Variants in ADAMTS12 observed in about 807,000 individuals in gnomAD.
The protein encoded by ADAMTS12 is ADAM metallopeptidase with thrombospondin type 1 motif 12.
A neutral mutation model predicts 167.8 loss-of-function variants in ADAMTS12; 118 were observed. The observed-to-expected ratio is 0.70, with a 90% CI of 0.61 to 0.82. ADAMTS12 has a LOEUF of 0.82. Ranked by LOEUF, ADAMTS12 falls within the 40% of genes least tolerant of loss-of-function variation. The probability of loss-of-function intolerance (pLI) is 0.00; values close to 1 mark genes in which losing one functional copy is unlikely to be tolerated. For missense variants in ADAMTS12, 1,916 were observed against 1,998.8 expected (o/e 0.96, Z 0.79); for synonymous variants, 704 against 716.9 (o/e 0.98, Z 0.29).
chr5:33,579,473 T>C (rs1746942044), intron 18 of ADAMTS12, among the ~76,000 whole-genome samples: 1 of 152,230 alleles, frequency 6.6e-6, no homozygotes, highest in South Asian at 2.1e-4. Flanking sequence ...CTTTCTCTTT[T>C]TCTTTTTGGT....
chr5:33,610,647 T>A (rs1738685268), intron 16 of ADAMTS12, among the ~76,000 whole-genome samples: 1 of 152,186 alleles, frequency 6.6e-6, no homozygotes, highest in Admixed American at 6.5e-5. Context: ...AATACGGAGG[T>A]AATGAGGGAA....
intron 5 of ADAMTS12, among the ~76,000 whole-genome samples, chr5:33,665,185 C>G (rs6861490): frequency 0.55 from 83,108 of 151,902 alleles, 24,453 homozygotes; most frequent in Admixed American, 0.68. Context: ...CATGATCTCA[C>G]TTATGTGGAA....
intron 2 of ADAMTS12, among the ~76,000 whole-genome samples, chr5:33,776,886 T>TA (rs1745933156): frequency 6.6e-6 from 1 of 152,100 alleles, no homozygotes; most frequent in South Asian, 2.1e-4. Context: ...CATAACAGAC[T>TA]ACTATAAACA....
In ADAMTS12 at chr5:33,793,026, G is replaced by T. The variant is rs145292267; in HGVS notation, c.490-41478C>A. Among the ~76,000 whole-genome samples the T allele has an allele frequency of 7.2e-5, 11 of 152,366 alleles. No homozygotes were observed. In the East Asian group the frequency reaches 2.1e-3, roughly 29 times the overall value. Reference sequence around the variant, plus strand: ...CACTGAGTTCTGGGAACCAGGCTTAGTGTCCATGAATTTGCCTTCATTCGG... The same window carrying T: ...CACTGAGTTCTGGGAACCAGGCTTATTGTCCATGAATTTGCCTTCATTCGG... On this transcript the variant is annotated intron_variant, in intron 2 of 23. Transcript: ENST00000504830.
chr5:33,577,402 A>G (rs1400156999), intron 18 of ADAMTS12, among the ~76,000 whole-genome samples: 1 of 152,230 alleles, frequency 6.6e-6, no homozygotes, highest in Non-Finnish European at 1.5e-5. Context: ...ACCATGATGT[A>G]GTCAAACTGC....
At chr5:33,593,318 T>C (rs1051332303) in intron 17 of ADAMTS12, among the ~76,000 whole-genome samples, 2 of 152,150 alleles carry the variant, frequency 1.3e-5, no homozygotes, top group Non-Finnish European at 2.9e-5. Context: ...CTGCTTATCC[T>C]GAGATCCTAG....
chr5:33,659,593 G>T (rs928089052), intron 6 of ADAMTS12, among the ~76,000 whole-genome samples: 3 of 152,106 alleles, frequency 2.0e-5, no homozygotes. Context: ...CAGCACTAAA[G>T]AAAAAAGTGG....
intron 3 of ADAMTS12, among the ~76,000 whole-genome samples, chr5:33,748,187 T>C (rs1312547133): frequency 2.0e-5 from 3 of 152,166 alleles, no homozygotes; most frequent in Non-Finnish European, 1.5e-5. Context: ...CACAGAGACT[T>C]CCACCTAACA....
At chr5:33,874,172 A>C (rs1199233394) in intron 2 of ADAMTS12, among the ~76,000 whole-genome samples, 1 of 152,240 alleles carries the variant, frequency 6.6e-6, no homozygotes, top group Non-Finnish European at 1.5e-5. Flanking sequence ...TTTGCAAAAG[A>C]CATCTGATAA....
At chr5:33,827,840 T>TA (rs35359495) in intron 2 of ADAMTS12, among the ~76,000 whole-genome samples, 57,365 of 151,644 alleles carry the variant, frequency 0.38, 11,601 homozygotes, top group Non-Finnish European at 0.44. Context: ...TATTATCTTA[T>TA]AAAAAAACTC....
In ADAMTS12 at chr5:33,683,029, C is replaced by G. The variant is rs780005218; in HGVS notation, c.904G>C (p.Glu302Gln). 1.9e-6 allele frequency: 3 copies of G among 1,611,720 alleles called. No individual in the cohort carries two copies. Among genetic ancestry groups the G allele is most frequent in the Admixed American group, 3.4e-5 (2 of 59,686 alleles). The change falls in exon 5 of 24, where the codon GAA becomes CAA. Residue 302 changes from glutamate (E) to glutamine (Q), a missense_variant. Glu to Gln is a conservative substitution (Grantham distance 29). Coordinates refer to ENST00000504830, the MANE Select transcript of ADAMTS12 (RefSeq NM_030955.4). ...GGAAAAAATGTTACCTCTTCTTCTT[C>G]GAGTAGAATGAGCCGAACCACAACA... The part of the protein sequence containing the change: ...HIVVVRLILL[E>Q]EEEQGLKIVH...
intron 3 of ADAMTS12, among the ~76,000 whole-genome samples, chr5:33,712,459 G>T (rs1743436456): frequency 6.6e-6 from 1 of 152,140 alleles, no homozygotes; most frequent in South Asian, 2.1e-4. Flanking sequence ...TTGTGAAAAG[G>T]AAGTTATAAA....
At chr5:33,606,239 C>T (rs10077285) in intron 16 of ADAMTS12, among the ~76,000 whole-genome samples, 88,228 of 152,100 alleles carry the variant, frequency 0.58, 25,876 homozygotes, top group East Asian at 0.82. Flanking sequence ...TGAGCCACTG[C>T]GCCCATCCCA....
At chr5:33,660,006 T>A (rs1198326430) in intron 6 of ADAMTS12, among the ~76,000 whole-genome samples, 1 of 152,198 alleles carries the variant, frequency 6.6e-6, no homozygotes, top group Non-Finnish European at 1.5e-5. Flanking sequence ...TGACATCTCA[T>A]GGGTAGAGGC....
At chr5:33,634,895 T>C (rs12652420) in intron 12 of ADAMTS12, among the ~76,000 whole-genome samples, 13,535 of 152,126 alleles carry the variant, frequency 0.089, 774 homozygotes, top group East Asian at 0.27. Context: ...AGGGTCTTAC[T>C]CTGTCACCCA....
chr5:33,550,733 C>A (rs566579841), intron 20 of ADAMTS12, among the ~76,000 whole-genome samples: 1 of 152,086 alleles, frequency 6.6e-6, no homozygotes, highest in Non-Finnish European at 1.5e-5. Flanking sequence ...AACTGCAGAG[C>A]AACTTTGATT....
chr5:33,835,907 ATCTCTCTCTCTCTCTCTCTCTC>A (rs60393220), intron 2 of ADAMTS12, among the ~76,000 whole-genome samples: 2 of 111,800 alleles, frequency 1.8e-5, no homozygotes, highest in African/African-American at 8.9e-5. Context: ...GATAATATCC[ATCTCTCTCTCTCTCTCTCTCTC>A]TCTCTCTCTC....
chr5:33,650,896 C>T (rs113158485), intron 7 of ADAMTS12, among the ~76,000 whole-genome samples: 1,955 of 152,302 alleles, frequency 0.013, 13 homozygotes, highest in Non-Finnish European at 0.022. Context: ...AAATTCAACT[C>T]GTCTGACTGG....
chr5:33,565,036 G>T lies in ADAMTS12; in HGVS notation c.3973-3857C>A, dbSNP rs141531817. Among the ~76,000 whole-genome samples, 60 of 152,290 alleles carry T rather than the reference G, an allele frequency of 3.9e-4. No homozygotes were observed. The East Asian group carries it at 0.01, about 26-fold the overall frequency. On this transcript the variant is annotated intron_variant, in intron 19 of 23. Transcript: ENST00000504830. ...TGGGAGATAAGTGACTCATTACGGAGAGAGGCAATCCCAAATAAATAGCTT... is the reference window on the plus strand; with the variant it reads ...TGGGAGATAAGTGACTCATTACGGATAGAGGCAATCCCAAATAAATAGCTT...
Sources: allele counts gnomAD v4.1 joint callset (sites outside exome capture counted in the v4.1 genomes callset), GRCh38; gene constraint gnomAD v4.1.1; transcripts MANE v1.5; gene names NCBI Gene and HGNC (gene_info 2026-07-23, HGNC 2026-07-21).